Variants in RELN observed in about 807,000 individuals in gnomAD.
RELN encodes the protein reelin.
Under a neutral mutation model 427.6 loss-of-function variants are expected in RELN, and 108 were observed. The observed-to-expected ratio is 0.25, with a 90% CI of 0.22 to 0.30. The LOEUF (loss-of-function observed/expected upper bound fraction) is 0.30, where lower values mean the gene tolerates loss of function less well. Ranked by LOEUF, RELN falls within the 10% of genes least tolerant of loss-of-function variation. RELN has a pLI of 1.00. For missense variants in RELN, 3,715 were observed against 4,302.8 expected, an observed-to-expected ratio of 0.86 and a Z score of 3.82; for synonymous variants, 1,524 against 1,513.4, an observed-to-expected ratio of 1.01 and a Z score of -0.16.
intron 2 of RELN, among the ~76,000 whole-genome samples, chr7:103,857,737 G>A (rs549306940): frequency 3.3e-5 from 5 of 152,288 alleles, no homozygotes; most frequent in Non-Finnish European, 5.9e-5. Context: ...GGACCGCCAA[G>A]CACTGCACTA....
chr7:103,690,714 A>T (rs1002726405), intron 10 of RELN, among the ~76,000 whole-genome samples: 19 of 152,078 alleles, frequency 1.2e-4, no homozygotes, highest in South Asian at 2.1e-4. Context: ...ACTCTGGGAG[A>T]TTACGAATGA....
Position 103,558,357 on chromosome 7 carries a change from C to A in RELN, c.5530-308G>T, listed in dbSNP as rs376484846. On this transcript the variant is annotated intron_variant, in intron 36 of 64. Transcript: ENST00000428762. ...ATCTACAGGCCTTTTTTAAAAACAG[C>A]CTCCTTTGATCACAGCATGTTATGA... Among the ~76,000 whole-genome samples, 16 of 152,198 alleles carry A rather than the reference C, an allele frequency of 1.1e-4. No homozygotes were observed. In the South Asian group the frequency reaches 3.3e-3, roughly 32 times the overall value.
At chr7:103,479,956 A>G (rs1828172441) in intron 63 of RELN, among the ~76,000 whole-genome samples, 1 of 152,170 alleles carries the variant, frequency 6.6e-6, no homozygotes. Context: ...ATTAAAGCCA[A>G]CCTTCACTTA....
At chr7:103,565,061 A>G (rs1436353419) in intron 34 of RELN, among the ~76,000 whole-genome samples, 2 of 152,228 alleles carry the variant, frequency 1.3e-5, no homozygotes, top group Non-Finnish European at 2.9e-5. Flanking sequence ...TTATGCTGGC[A>G]AAGAACAGAA....
chr7:103,989,096 G>A lies in RELN; in HGVS notation c.226+35C>T. On this transcript the variant is annotated intron_variant, in intron 1 of 64. Coordinates refer to ENST00000428762, the MANE Select transcript of RELN (RefSeq NM_005045.4). This position sits in a 1 kb window ranked among gnomAD's most constrained non-coding sequence, Gnocchi z 4.9. The stretch of plus-strand genomic sequence containing the variant: ...GAAAGGTGCGCTGGCGGGCGCACCC[G>A]GCGGCGGCGAGCGCGGAGGTGCTGC... 6.3e-7 allele frequency: 1 copy of A among 1,586,624 alleles called. No homozygotes were observed. Among genetic ancestry groups the A allele is most frequent in the Non-Finnish European group, 8.6e-7 (1 of 1,157,452 alleles).
At chr7:103,817,775 G>A (rs1168566818) in intron 3 of RELN, among the ~76,000 whole-genome samples, 3 of 151,300 alleles carry the variant, frequency 2.0e-5, no homozygotes, top group Non-Finnish European at 2.9e-5. Context: ...ATGAAACCTC[G>A]TTTCTACTAA....
chr7:103,846,441 A>T (rs1408407355), intron 2 of RELN, among the ~76,000 whole-genome samples: 1 of 152,148 alleles, frequency 6.6e-6, no homozygotes, highest in Non-Finnish European at 1.5e-5. Flanking sequence ...ATGGATTAAA[A>T]ACTTAAATGT....
chr7:103,567,609 C>A (rs362805), intron 31 of RELN, among the ~76,000 whole-genome samples: 1 of 151,732 alleles, frequency 6.6e-6, no homozygotes, highest in Non-Finnish European at 1.5e-5. Context: ...GCCTTTATAC[C>A]CGCTTCTTTG....
Position 103,918,448 on chromosome 7 carries a change from T to A in RELN, c.227-1263A>T, listed in dbSNP as rs114713284. Among the ~76,000 whole-genome samples, 1,376 of 152,244 alleles carry A rather than the reference T, an allele frequency of 9.0e-3. 18 individuals are homozygous for A. Among genetic ancestry groups the A allele is most frequent in the African/African-American group, 0.031 (1,277 of 41,542 alleles). On this transcript the variant is annotated intron_variant, in intron 1 of 64. Coordinates refer to ENST00000428762, the MANE Select transcript of RELN (RefSeq NM_005045.4). ...CCATTAAGAACCTGGCCCAGGACCA[T>A]CTGATATCATCTAAAATGTTTTGAT...
intron 2 of RELN, among the ~76,000 whole-genome samples, chr7:103,877,105 C>T (rs532213373): frequency 1.3e-5 from 2 of 152,210 alleles, no homozygotes; most frequent in East Asian, 3.9e-4. Context: ...TTTGCAAATT[C>T]CTGTTCTGTC....
intron 6 of RELN, among the ~76,000 whole-genome samples, chr7:103,733,185 A>C (rs1205651191): frequency 6.6e-6 from 1 of 152,186 alleles, no homozygotes; most frequent in East Asian, 1.9e-4. Context: ...AAACACATGA[A>C]AGAATGCTCA....
At chr7:103,928,607 G>A (rs927277997) in intron 1 of RELN, among the ~76,000 whole-genome samples, 2 of 152,134 alleles carry the variant, frequency 1.3e-5, no homozygotes, top group Non-Finnish European at 2.9e-5. Context: ...ATTGAATTGA[G>A]GCTACATTAA....
chr7:103,505,331 C>G (rs188616192), intron 51 of RELN, among the ~76,000 whole-genome samples: 1 of 152,180 alleles, frequency 6.6e-6, no homozygotes, highest in East Asian at 1.9e-4. Flanking sequence ...CGGCTGGCAT[C>G]TGGTGGGTGC....
intron 50 of RELN, chr7:103,513,826 T>C (rs2117072296): frequency 6.6e-6 from 1 of 152,236 alleles, no homozygotes; most frequent in East Asian, 1.9e-4. Context: ...TTGTTAAAAA[T>C]ATGTTTATGT....
intron 64 of RELN, 89 bp downstream of exon 64, chr7:103,478,300 A>T: frequency 1.5e-6 from 1 of 645,958 alleles, no homozygotes; most frequent in Non-Finnish European, 2.8e-6. Context: ...TTAGTTGCAA[A>T]GGTGCTTTAC....
intron 4 of RELN, among the ~76,000 whole-genome samples, chr7:103,776,107 C>T (rs948492891): frequency 6.6e-6 from 1 of 152,158 alleles, no homozygotes; most frequent in Non-Finnish European, 1.5e-5. Context: ...TGTCTAGCCA[C>T]ACAAGTCCGA....
At chr7:103,545,549 C>T (rs188600905) in intron 41 of RELN, among the ~76,000 whole-genome samples, 2 of 152,304 alleles carry the variant, frequency 1.3e-5, no homozygotes, top group African/African-American at 4.8e-5. Flanking sequence ...GTAAGCTTTT[C>T]CTGATCCTAT....
chr7:103,912,769 C>G (rs1484409436), intron 2 of RELN, among the ~76,000 whole-genome samples: 2 of 151,908 alleles, frequency 1.3e-5, no homozygotes, highest in Non-Finnish European at 1.5e-5. Context: ...AACCAGAATT[C>G]TAAATCTTGA....
At chr7:103,755,002 G>T (rs1324530226) in intron 4 of RELN, among the ~76,000 whole-genome samples, 1 of 152,146 alleles carries the variant, frequency 6.6e-6, no homozygotes, top group Non-Finnish European at 1.5e-5. Context: ...GTGCTAAGGA[G>T]TGTCTATAGA....
Sources: allele counts gnomAD v4.1 joint callset (sites outside exome capture counted in the v4.1 genomes callset), GRCh38; gene constraint gnomAD v4.1.1; non-coding constraint Gnocchi (gnomAD v3.1); transcripts MANE v1.5; gene names NCBI Gene and HGNC (gene_info 2026-07-23, HGNC 2026-07-21).